UGT1A6: variants seen among roughly 807,000 people sequenced by gnomAD.
UGT1A6 encodes the protein UDP-glucuronosyltransferase 1A6.
A neutral mutation model predicts 44.4 loss-of-function variants in UGT1A6; 32 were observed. The ratio of observed to expected loss-of-function variants is 0.72; its 90% CI spans 0.54 to 0.97. The LOEUF is 0.97. Ranked by LOEUF, UGT1A6 falls within the 50% of genes least tolerant of loss-of-function variation. The probability of loss-of-function intolerance (pLI) is 0.00; values close to 1 mark genes in which losing one functional copy is unlikely to be tolerated. For missense variants in UGT1A6, 685 were observed against 661.9 expected, an observed-to-expected ratio of 1.03 and a Z score of -0.38; for synonymous variants, 238 against 248.5, an observed-to-expected ratio of 0.96 and a Z score of 0.40.
intron 1 of UGT1A6, chr2:233,760,277 G>T: frequency 6.2e-7 from 1 of 1,612,686 alleles, no homozygotes. Context: ...TCTGGCAGGA[G>T]CAAAGGCGCC....
chr2:233,758,179 A>G (rs1285380219), intron 1 of UGT1A6, among the ~76,000 whole-genome samples: 1 of 152,230 alleles, frequency 6.6e-6, no homozygotes, highest in African/African-American at 2.4e-5. Context: ...CAGAGCAGAT[A>G]TTAATTGGAT....
intron 1 of UGT1A6, among the ~76,000 whole-genome samples, chr2:233,711,719 T>C (rs1470924587): frequency 6.6e-6 from 1 of 152,192 alleles, no homozygotes. Flanking sequence ...AAGCCTCAGC[T>C]TCACCAGCAA....
At position 233,746,640 on chromosome 2, in the gene UGT1A6, A is replaced by C. The variant is rs553124614; in HGVS notation, c.862-20394A>C. Among the ~76,000 whole-genome samples the C allele has an allele frequency of 3.3e-5, 5 of 151,640 alleles. No individual in the cohort carries two copies. In the East Asian group the frequency reaches 9.7e-4, roughly 29 times the overall value. On this transcript the variant is annotated intron_variant, in intron 1 of 4. Transcript: ENST00000305139. ...TCCTTTCAGGCAAGGACCATTTCTA[A>C]CTTGGCTTTCTGTCCCGAGTTCCTA...
intron 1 of UGT1A6, among the ~76,000 whole-genome samples, chr2:233,725,696 T>C (rs1461246019): frequency 6.6e-6 from 1 of 152,258 alleles, no homozygotes; most frequent in Non-Finnish European, 1.5e-5. Context: ...AATAGTCATA[T>C]GTAGTTAGTG....
At position 233,768,260 on chromosome 2, in the gene UGT1A6, C is replaced by T; in HGVS notation, c.1122C>T (p.Ser374=). The T allele has an allele frequency of 6.2e-7, 1 of 1,614,136 alleles. No individual in the cohort carries two copies. Among genetic ancestry groups the T allele is most frequent in the Non-Finnish European group, 8.5e-7 (1 of 1,180,024 alleles). The change falls in exon 4 of 5, where the codon TCC becomes TCT. Residue 374 remains serine, a synonymous_variant. Transcript: ENST00000305139. ...MTRAFITHAG[S]HGVYESICNG... Reference sequence around the variant, plus strand: ...GTGCCTTTATCACCCATGCTGGTTCCCATGGTGTTTATGAAAGCATATGCA... The same window carrying T: ...GTGCCTTTATCACCCATGCTGGTTCTCATGGTGTTTATGAAAGCATATGCA...
At chr2:233,751,245 G>A (rs961434580) in intron 1 of UGT1A6, among the ~76,000 whole-genome samples, 1 of 151,950 alleles carries the variant, frequency 6.6e-6, no homozygotes, top group Admixed American at 6.5e-5. Context: ...TTTTGGACTT[G>A]CATGGGGCCT....
chr2:233,764,151 G>A (rs1391990112), intron 1 of UGT1A6, among the ~76,000 whole-genome samples: 1 of 152,184 alleles, frequency 6.6e-6, no homozygotes. Flanking sequence ...CATTTTGGCT[G>A]GTGAAGTCTC....
At chr2:233,747,507 C>A in intron 1 of UGT1A6, 2 of 1,608,136 alleles carry the variant, frequency 1.2e-6, no homozygotes, top group South Asian at 2.2e-5. Flanking sequence ...CCACACTCAA[C>A]TGTACTTTGA....
rs780016114 is a variant in UGT1A6, at chr2:233,760,397, G to T, written c.862-6637G>T. 2.0e-5 allele frequency: 33 copies of T among 1,614,006 alleles called. No homozygotes were observed. The highest frequency in any genetic ancestry group is 2.7e-5 in the Non-Finnish European group (32 of 1,180,022). The stretch of plus-strand genomic sequence containing the variant: ...AAGATACTGTTGATCCCAGTGGATG[G>T]CAGCCACTGGCTGAGCATGCTTGGG... On this transcript the variant is annotated intron_variant, in intron 1 of 4. Coordinates refer to ENST00000305139, the MANE Select transcript of UGT1A6 (RefSeq NM_001072.4).
chr2:233,719,730 C>T (rs2011219), intron 1 of UGT1A6: 110,168 of 1,613,484 alleles, frequency 0.068, 5,029 homozygotes, highest in South Asian at 0.18. Flanking sequence ...CCAGGCAAAA[C>T]ACTTTTTAAA....
chr2:233,746,996 T>C (rs1200974449), intron 1 of UGT1A6, among the ~76,000 whole-genome samples: 1 of 151,576 alleles, frequency 6.6e-6, no homozygotes, highest in East Asian at 1.9e-4. Context: ...TCAGATGAGT[T>C]TTTCAAGTAG....
intron 1 of UGT1A6, among the ~76,000 whole-genome samples, chr2:233,731,386 C>A (rs2125763293): frequency 6.6e-6 from 1 of 152,052 alleles, no homozygotes; most frequent in Admixed American, 6.6e-5. Flanking sequence ...CCTGCACCCA[C>A]CAACTCGTCA....
chr2:233,704,960 A>G (rs940075749), intron 1 of UGT1A6, among the ~76,000 whole-genome samples: 1 of 152,052 alleles, frequency 6.6e-6, no homozygotes, highest in Admixed American at 6.6e-5. Flanking sequence ...ACATGGTGAA[A>G]CCCCATCTCT....
Position 233,768,353 on chromosome 2 carries a change from T to C in UGT1A6, c.1215T>C (p.Thr405=). The change falls in exon 4 of 5, where the codon ACT becomes ACC. Residue 405 remains threonine, a synonymous_variant. Coordinates refer to ENST00000305139, the MANE Select transcript of UGT1A6 (RefSeq NM_001072.4). ...TGGACAATGCAAAGCGCATGGAGAC[T>C]AAGGGAGCTGGAGTGACCCTGAATG... is the stretch of plus-strand genomic sequence containing the variant. ...DQMDNAKRME[T]KGAGVTLNVL... is the part of the protein sequence containing the mutation. 6.2e-7 allele frequency: 1 copy of C among 1,614,150 alleles called. No individual in the cohort carries two copies. The highest frequency in any genetic ancestry group is 1.1e-5 in the South Asian group (1 of 91,082).
At chr2:233,761,619 G>A (rs34165552) in intron 1 of UGT1A6, among the ~76,000 whole-genome samples, 1 of 152,358 alleles carries the variant, frequency 6.6e-6, no homozygotes, top group Non-Finnish European at 1.5e-5. Context: ...ATTCTGATAA[G>A]AAGCTAAATC....
Position 233,744,237 on chromosome 2 carries a change from T to C in UGT1A6, c.862-22797T>C, listed in dbSNP as rs1220461600. On this transcript the variant is annotated intron_variant, in intron 1 of 4. Coordinates refer to ENST00000305139, the MANE Select transcript of UGT1A6 (RefSeq NM_001072.4). ...GTTGGGGAAAAGAGAGGGCCTTGACTTTGGCTGCCTGAAGAACTGTTTTTC... is the reference window on the plus strand; with the variant it reads ...GTTGGGGAAAAGAGAGGGCCTTGACCTTGGCTGCCTGAAGAACTGTTTTTC... Among the ~76,000 whole-genome samples, 6 of 151,784 alleles carry C rather than the reference T, an allele frequency of 4.0e-5. 1 individual carries two copies. Among genetic ancestry groups the C allele is most frequent in the African/African-American group, 1.5e-4 (6 of 41,066 alleles).
chr2:233,716,061 G>C (rs2076485433), intron 1 of UGT1A6, among the ~76,000 whole-genome samples: 1 of 152,170 alleles, frequency 6.6e-6, no homozygotes, highest in Admixed American at 6.5e-5. Context: ...ATTCTTAGTT[G>C]TATTCTTTCC....
chr2:233,750,659 G>C (rs1224813107), intron 1 of UGT1A6: 1 of 143,478 alleles, frequency 7.0e-6, no homozygotes, highest in Non-Finnish European at 1.5e-5. Context: ...AGGACTTGGT[G>C]CCCTGTGTCC....
chr2:233,706,144 G>C (rs2075891218), intron 1 of UGT1A6, among the ~76,000 whole-genome samples: 1 of 152,146 alleles, frequency 6.6e-6, no homozygotes, highest in African/African-American at 2.4e-5. Flanking sequence ...ATTAAACAAA[G>C]CATGAGAACC....
Sources: allele counts gnomAD v4.1 joint callset (sites outside exome capture counted in the v4.1 genomes callset), GRCh38; gene constraint gnomAD v4.1.1; transcripts MANE v1.5; gene names NCBI Gene and HGNC (gene_info 2026-07-23, HGNC 2026-07-21).